The following EBF2 variants were observed in gnomAD, a reference collection of about 807,000 sequenced individuals.
EBF2 encodes transcription factor COE2.
In EBF2, 21 loss-of-function variants were observed where a neutral mutation model predicts 72.8. That is an observed-to-expected ratio of 0.29 (90% CI 0.20 to 0.42). The LOEUF is 0.42. Among genes scored for constraint, EBF2 ranks in the 10% least tolerant of loss-of-function variants. The pLI is 1.00. For synonymous variants in EBF2, 299 were observed against 274.2 expected (o/e 1.09, Z -0.89); for missense variants, 637 against 731.2 (o/e 0.87, Z 1.49).
At chr8:26,025,310 T>G (rs1016299016) in intron 6 of EBF2, among the ~76,000 whole-genome samples, 1 of 152,198 alleles carries the variant, frequency 6.6e-6, no homozygotes. Flanking sequence ...TGTGTGCTTA[T>G]TTACGCTGTA....
intron 6 of EBF2, among the ~76,000 whole-genome samples, chr8:26,020,897 C>T (rs1456387001): frequency 1.3e-5 from 2 of 152,120 alleles, no homozygotes; most frequent in African/African-American, 2.4e-5. Context: ...GGACTGTTAG[C>T]GTTAAATCGA....
At chr8:25,887,267 A>G (rs12675544) in intron 9 of EBF2, among the ~76,000 whole-genome samples, 7,015 of 152,056 alleles carry the variant, frequency 0.046, 278 homozygotes, top group Admixed American at 0.11. Flanking sequence ...TCACCCCTGG[A>G]ATCCTTTCCT....
At chr8:25,869,015 TAA>T (rs1273359389) in intron 10 of EBF2, among the ~76,000 whole-genome samples, 1 of 152,194 alleles carries the variant, frequency 6.6e-6, no homozygotes, top group Non-Finnish European at 1.5e-5. Context: ...ATGTTTCCAC[TAA>T]GTCTCATCAC....
intron 6 of EBF2, among the ~76,000 whole-genome samples, chr8:25,913,331 C>T (rs1246841775): frequency 1.3e-5 from 2 of 152,046 alleles, no homozygotes; most frequent in Non-Finnish European, 2.9e-5. Flanking sequence ...GTCCCAGCTA[C>T]TCAGGAAGCT....
intron 6 of EBF2, among the ~76,000 whole-genome samples, chr8:25,939,402 G>C (rs1803632455): frequency 6.6e-6 from 1 of 152,168 alleles, no homozygotes; most frequent in Admixed American, 6.5e-5. Flanking sequence ...GCGTGTGTAT[G>C]TGTGTGTGTT....
At chr8:25,875,316 C>T (rs1397783817) in intron 10 of EBF2, among the ~76,000 whole-genome samples, 1 of 152,118 alleles carries the variant, frequency 6.6e-6, no homozygotes, top group Non-Finnish European at 1.5e-5. Flanking sequence ...GTAATTTTAT[C>T]TTTCTAATGG....
chr8:25,852,213 C>T (rs1801994863), intron 14 of EBF2, among the ~76,000 whole-genome samples: 1 of 152,164 alleles, frequency 6.6e-6, no homozygotes, highest in Non-Finnish European at 1.5e-5. Flanking sequence ...GGCTAATTCA[C>T]ATAATAAGGA....
intron 6 of EBF2, among the ~76,000 whole-genome samples, chr8:25,925,749 A>G (rs1803375365): frequency 6.6e-6 from 1 of 152,064 alleles, no homozygotes; most frequent in Non-Finnish European, 1.5e-5. Flanking sequence ...GCTGCCTGTG[A>G]GTCACGATGG....
At chr8:25,929,378 TC>T (rs1803442799) in intron 6 of EBF2, among the ~76,000 whole-genome samples, 3 of 152,200 alleles carry the variant, frequency 2.0e-5, no homozygotes, top group African/African-American at 7.2e-5. Flanking sequence ...GCAAATTTTT[TC>T]CTTCTGAAAA....
At chr8:25,858,650 GCTT>G in intron 13 of EBF2, 146 bp from the exon 14 acceptor site, 2 of 224,268 alleles carry the variant, frequency 8.9e-6, no homozygotes, top group South Asian at 7.5e-5. Flanking sequence ...TCCATCTTTA[GCTT>G]TTTTTTTTTT....
intron 7 of EBF2, among the ~76,000 whole-genome samples, chr8:25,907,633 T>G (rs1371831488): frequency 3.9e-5 from 6 of 152,018 alleles, no homozygotes; most frequent in African/African-American, 1.4e-4. Context: ...GAACCTCGCT[T>G]GTCTCAGGCG....
intron 6 of EBF2, among the ~76,000 whole-genome samples, chr8:25,923,169 G>A (rs928872614): frequency 4.6e-5 from 7 of 152,148 alleles, no homozygotes; most frequent in African/African-American, 1.7e-4. Context: ...GCCACGCTGG[G>A]AGAAAGGCCA....
intron 10 of EBF2, among the ~76,000 whole-genome samples, chr8:25,871,739 G>A (rs1563383487): frequency 6.6e-6 from 1 of 152,076 alleles, no homozygotes; most frequent in Non-Finnish European, 1.5e-5. Context: ...ATTTGGATCA[G>A]CCTTGAAAAA....
chr8:25,863,930 T>C (rs1175229631), intron 10 of EBF2, among the ~76,000 whole-genome samples: 1 of 152,178 alleles, frequency 6.6e-6, no homozygotes, highest in Non-Finnish European at 1.5e-5. Context: ...CAATATATCA[T>C]AAACTTCCCC....
chr8:25,993,535 T>C (rs1804577239), intron 6 of EBF2, among the ~76,000 whole-genome samples: 1 of 152,196 alleles, frequency 6.6e-6, no homozygotes, highest in South Asian at 2.1e-4. Context: ...CCATTTCCTT[T>C]TTATGTCTTT....
chr8:25,885,905 A>G (rs974064460), intron 10 of EBF2, among the ~76,000 whole-genome samples: 1 of 152,166 alleles, frequency 6.6e-6, no homozygotes, highest in Non-Finnish European at 1.5e-5. Context: ...GGTAAGTTCT[A>G]GTTTAAATAC....
At chr8:25,986,354 T>C (rs1292998523) in intron 6 of EBF2, among the ~76,000 whole-genome samples, 1 of 152,182 alleles carries the variant, frequency 6.6e-6, no homozygotes, top group Admixed American at 6.5e-5. Flanking sequence ...CACTGGGCTG[T>C]AGTATTTACA....
intron 6 of EBF2, among the ~76,000 whole-genome samples, chr8:25,937,230 TC>T (rs1803594354): frequency 1.3e-5 from 2 of 152,170 alleles, no homozygotes; most frequent in South Asian, 4.1e-4. Context: ...TGGATGTTTT[TC>T]CATGGGTAAC....
chr8:25,905,940 G>A (rs1803024988), intron 7 of EBF2, among the ~76,000 whole-genome samples: 1 of 152,088 alleles, frequency 6.6e-6, no homozygotes, highest in Non-Finnish European at 1.5e-5. Context: ...AATTCTTTTT[G>A]CCCTTGTCTT....
Sources: allele counts gnomAD v4.1 joint callset (sites outside exome capture counted in the v4.1 genomes callset), GRCh38; gene constraint gnomAD v4.1.1; transcripts MANE v1.5; gene names NCBI Gene and HGNC (gene_info 2026-07-23, HGNC 2026-07-21).